The following CHRNB4 variants were observed in gnomAD, a reference collection of about 807,000 sequenced individuals.
CHRNB4 encodes cholinergic receptor nicotinic beta 4 subunit.
CHRNB4 carries 23 observed loss-of-function variants against 40.4 expected under a neutral mutation model. That is an observed-to-expected ratio of 0.57 (90% CI 0.41 to 0.81). The LOEUF is 0.81. CHRNB4 is among the 30% of genes least tolerant of loss of function. The pLI is 0.00. For missense variants in CHRNB4, 568 were observed against 670.6 expected (o/e 0.85, Z 1.69); for synonymous variants, 285 against 274.4 (o/e 1.04, Z -0.38).
At chr15:78,655,923 T>A (rs1210397562) in intron 4 of CHRNB4, among the ~76,000 whole-genome samples, 2 of 152,186 alleles carry the variant, frequency 1.3e-5, no homozygotes, top group African/African-American at 4.8e-5. Flanking sequence ...TGTTCTATAG[T>A]GTTCAGTGTA....
chr15:78,631,342 G>A lies in CHRNB4; in HGVS notation c.205-10C>T, dbSNP rs764476864. The A allele has an allele frequency of 7.4e-6, 12 of 1,613,034 alleles. No individual in the cohort carries two copies. In the East Asian group the frequency reaches 2.7e-4, roughly 36 times the overall value. ...TCTGCTCTCGCTCATTCTGGGGAGG[G>A]AAACGGGGCTATCAGTTCACCAGGA... is the stretch of plus-strand genomic sequence containing the variant. On this transcript the variant is annotated splice_polypyrimidine_tract_variant and intron_variant, in intron 2 of 5. Coordinates refer to ENST00000261751, the MANE Select transcript of CHRNB4 (RefSeq NM_000750.5).
At position 78,632,171 on chromosome 15, in the gene CHRNB4, C is replaced by CTCTTTCTTTCTTTCTTTCTT. The variant is rs1274535496; in HGVS notation, c.205-859_205-840dup. 1.8e-3 allele frequency among the ~76,000 whole-genome samples: 8 copies of CTCTTTCTTTCTTTCTTTCTT among 4,448 alleles called. 1 individual carries two copies. The highest frequency in any genetic ancestry group is 2.1e-3 in the African/African-American group (8 of 3,866). 2.9% of individuals were successfully genotyped at this position (4,448 alleles called of 152,430 possible). On this transcript the variant is annotated intron_variant, in intron 2 of 5. Coordinates refer to ENST00000261751, the MANE Select transcript of CHRNB4 (RefSeq NM_000750.5). ...TTTCTGTCTTTCTTTTCTTTTCTTT[C>CTCTTTCTTTCTTTCTTTCTT]TCTTTCTTTCTTTCTTTCTTTCTTT...
Position 78,635,701 on chromosome 15 carries a change from G to A in CHRNB4, c.56-114C>T, listed in dbSNP as rs541618395. Reference sequence around the variant, plus strand: ...ACAGGTGCCCTTAGGGCTGGCTGAAGCAGCGAAGGTGCTGGCAGGCCTGTC... The same window carrying A: ...ACAGGTGCCCTTAGGGCTGGCTGAAACAGCGAAGGTGCTGGCAGGCCTGTC... On this transcript the variant is annotated intron_variant, in intron 1 of 5. Transcript: ENST00000261751. 296 of 1,411,578 alleles carry A rather than the reference G, an allele frequency of 2.1e-4. 2 individuals carry two copies. The African/African-American group carries it at 3.6e-3, about 17-fold the overall frequency. The allele number at this position is 1,411,578 out of a possible 1,614,324, so 87.4% of individuals were successfully genotyped here. A position where few individuals can be genotyped will look rare whatever the true frequency, so the allele number is the denominator to read the frequency against.
At chr15:78,645,270 T>C (rs1045527577), upstream of CHRNB4, among the ~76,000 whole-genome samples, 1 of 152,154 alleles carries the variant, frequency 6.6e-6, no homozygotes, top group Non-Finnish European at 1.5e-5. Context: ...TGGCTTGACT[T>C]GCCTTTCTCT....
upstream of CHRNB4, among the ~76,000 whole-genome samples, chr15:78,645,807 C>T (rs1186603865): frequency 6.6e-6 from 1 of 151,964 alleles, no homozygotes; most frequent in Non-Finnish European, 1.5e-5. Context: ...CCCCTGTAAT[C>T]CCAGCACTTT....
chr15:78,641,648 C>A (rs1596119339), upstream of CHRNB4, among the ~76,000 whole-genome samples: 2 of 152,194 alleles, frequency 1.3e-5, no homozygotes, highest in African/African-American at 4.8e-5. Flanking sequence ...CGCGAGGGAG[C>A]GCTGCTCTCT....
intron 1 of CHRNB4, among the ~76,000 whole-genome samples, chr15:78,660,176 C>T (rs2054240446): frequency 6.6e-6 from 1 of 150,580 alleles, no homozygotes; most frequent in African/African-American, 2.4e-5. Flanking sequence ...CACTGCACTC[C>T]AGCCTGAGCA....
At chr15:78,643,357 T>G (rs1043002553), upstream of CHRNB4, among the ~76,000 whole-genome samples, 1 of 152,140 alleles carries the variant, frequency 6.6e-6, no homozygotes, top group African/African-American at 2.4e-5. Context: ...CCAAGCGATC[T>G]TCCCATCTCA....
At chr15:78,652,840 T>C (rs2054184618) in intron 5 of CHRNB4, among the ~76,000 whole-genome samples, 1 of 152,226 alleles carries the variant, frequency 6.6e-6, no homozygotes, top group Non-Finnish European at 1.5e-5. Context: ...TCGCAGTGAT[T>C]TGGCACTCAA....
At chr15:78,639,304 T>C (rs2054022255) in intron 1 of CHRNB4, among the ~76,000 whole-genome samples, 1 of 152,174 alleles carries the variant, frequency 6.6e-6, no homozygotes, top group African/African-American at 2.4e-5. Context: ...GCTATGATTT[T>C]CTTTTTTCTG....
At chr15:78,657,297 G>A (rs2054222415) in intron 3 of CHRNB4, 1 of 152,176 alleles carries the variant, frequency 6.6e-6, no homozygotes, top group South Asian at 2.1e-4. Flanking sequence ...TTACAGGCAT[G>A]AGCCACTGCG....
chr15:78,629,734 T>C lies in CHRNB4; in HGVS notation c.571A>G (p.Ser191Gly). 1 of 1,614,140 alleles carries C rather than the reference T, an allele frequency of 6.2e-7. No individual in the cohort carries two copies. The highest frequency in any genetic ancestry group is 8.5e-7 in the Non-Finnish European group (1 of 1,180,000). Residue 191 changes from serine (S) to glycine (G), a missense_variant, in exon 5 of 6, where the codon AGC (serine) becomes GGC (glycine). This residue lies in a region of CHRNB4 where 127 missense variants were observed against 167.4 expected (regional missense o/e 0.76). Coordinates refer to ENST00000261751, the MANE Select transcript of CHRNB4 (RefSeq NM_000750.5). The surrounding 1 kb of genome is among the most constrained non-coding windows in gnomAD (Gnocchi z 6.8). ...CCACTGGGAGTAAAGTCATCCATGC[T>C]GGCTGTGGGCGTCATGAGGACCATG... ...IDMVLMTPTA[S>G]MDDFTPSGEW...
intron 2 of CHRNB4, among the ~76,000 whole-genome samples, chr15:78,657,765 G>T (rs2054226116): frequency 6.6e-6 from 1 of 151,724 alleles, no homozygotes; most frequent in Non-Finnish European, 1.5e-5. Context: ...TGTTAGCCAG[G>T]ATAGTCTTGA....
chr15:78,638,791 G>A (rs1024000697), intron 1 of CHRNB4, among the ~76,000 whole-genome samples: 1 of 152,264 alleles, frequency 6.6e-6, no homozygotes, highest in Non-Finnish European at 1.5e-5. Context: ...TGGGCTCAAA[G>A]GACAAGGAAC....
intron 5 of CHRNB4, 114 bp from the exon 6 acceptor site, chr15:78,625,405 G>T: frequency 1.0e-6 from 1 of 985,436 alleles, no homozygotes; most frequent in Non-Finnish European, 1.4e-6. Context: ...GCGTGGAACT[G>T]CATACTAGGG....
intron 1 of CHRNB4, among the ~76,000 whole-genome samples, chr15:78,640,862 C>T (rs936491887): frequency 2.0e-5 from 3 of 152,196 alleles, no homozygotes; most frequent in South Asian, 2.1e-4. Flanking sequence ...CGAGAAGAGG[C>T]GGCCCCCACT....
chr15:78,641,265 C>T (rs1010743868), upstream of CHRNB4: 6 of 741,340 alleles, frequency 8.1e-6, no homozygotes, highest in Non-Finnish European at 1.2e-5. Context: ...CACTAGGACC[C>T]CGCGGAGAGC....
In CHRNB4 at chr15:78,629,909, G is replaced by A; in HGVS notation, c.396C>T (p.Asn132=). The A allele has an allele frequency of 1.9e-6, 3 of 1,608,748 alleles. No individual in the cohort carries two copies. Among genetic ancestry groups the A allele is most frequent in the Non-Finnish European group, 1.7e-6 (2 of 1,178,850 alleles). The change falls in exon 5 of 6, where the codon AAC becomes AAT. Residue 132 remains asparagine, a synonymous_variant. Transcript: ENST00000261751. The surrounding 1 kb of genome is among the most constrained non-coding windows in gnomAD (Gnocchi z 6.8). ...CGCTGCCGTTGGACCGGACTATCAA[G>A]TTGGTGTAGACAGACACCTCATAGG... ...DGTYEVSVYT[N]LIVRSNGSVL... is the part of the protein sequence containing the mutation.
At chr15:78,648,584 T>C (rs1277965667) in intron 7 of CHRNB4, among the ~76,000 whole-genome samples, 2 of 150,822 alleles carry the variant, frequency 1.3e-5, no homozygotes, top group African/African-American at 4.9e-5. Context: ...TGAAACCCTG[T>C]ATCTACTAAA....
Sources: gnomAD v4.1 joint callset for allele counts (sites outside exome capture counted in the v4.1 genomes callset) on GRCh38, gnomAD v4.1.1 for gene constraint, gnomAD v4.1.1 regional missense constraint, Gnocchi (gnomAD v3.1) non-coding constraint, MANE v1.5 for transcripts, NCBI Gene and HGNC (gene_info 2026-07-23, HGNC 2026-07-21) for gene names.